The following NIPBL variants were observed in gnomAD, a reference collection of about 807,000 sequenced individuals.
The protein encoded by NIPBL is nipped-B-like protein.
Under a neutral mutation model 321.8 loss-of-function variants are expected in NIPBL, and 19 were observed. That is an observed-to-expected ratio of 0.06 (90% CI 0.04 to 0.09). The LOEUF (loss-of-function observed/expected upper bound fraction) is 0.09, where lower values mean the gene tolerates loss of function less well. NIPBL is among the 10% of genes least tolerant of loss of function. The pLI, the probability that NIPBL is intolerant of heterozygous loss-of-function variation, is 1.00. For synonymous variants in NIPBL, 1,106 were observed against 1,114.1 expected (o/e 0.99, Z 0.14); for missense variants, 2,210 against 3,327.0 (o/e 0.66, Z 8.26).
rs1017805350 is a variant in NIPBL at position 36,877,196 on chromosome 5, A to AT, written c.-80+21dup. 2 of 194,372 alleles carry AT rather than the reference A, an allele frequency of 1.0e-5. No homozygotes were observed. The highest frequency in any genetic ancestry group is 4.8e-5 in the African/African-American group (2 of 41,640). 12.0% of individuals were successfully genotyped at this position (194,372 alleles called of 1,614,324 possible). ...TCGCCCAGGTAAATTCCTGCTCTTT[A>AT]TTTCGGCGGCGGCGGCGGCGGCGCC... On this transcript the variant is annotated intron_variant, in intron 1 of 46. Transcript: ENST00000282516.
At chr5:37,000,780 A>T (rs781743741) in intron 12 of NIPBL, 37 bp from the exon 13 acceptor site, 61 of 1,520,940 alleles carry the variant, frequency 4.0e-5, no homozygotes, top group Non-Finnish European at 4.6e-6. Context: ...TTAAGTTGTC[A>T]GTCCTGCATT....
At chr5:37,033,705 C>CACATATATAT (rs1415570935) in intron 32 of NIPBL, among the ~76,000 whole-genome samples, 1 of 80,268 alleles carries the variant, frequency 1.2e-5, no homozygotes, top group Non-Finnish European at 2.3e-5. Context: ...CACACACACA[C>CACATATATAT]ATATATATAT....
intron 6 of NIPBL, among the ~76,000 whole-genome samples, chr5:36,968,104 AAAAAAAAC>A (rs1228185522): frequency 1.3e-5 from 2 of 149,644 alleles, no homozygotes; most frequent in Admixed American, 6.7e-5. Context: ...TCAAAAAAAA[AAAAAAAAC>A]AAAAAACAAA....
At chr5:37,008,915 T>C (rs1421732414) in intron 20 of NIPBL, among the ~76,000 whole-genome samples, 192 bp downstream of exon 20, 1 of 152,168 alleles carries the variant, frequency 6.6e-6, no homozygotes, top group Non-Finnish European at 1.5e-5. Context: ...CTTCACTGAT[T>C]CTCAAGGGTA....
Position 36,975,997 on chromosome 5 carries a change from C to T in NIPBL, c.1090C>T (p.Arg364Cys). The T allele has an allele frequency of 2.5e-6, 4 of 1,613,930 alleles. No individual in the cohort carries two copies. The highest frequency in any genetic ancestry group is 1.1e-5 in the South Asian group (1 of 91,052). ...TACTAAACTTACATTAAGACTTTCT[C>T]GTGTAAGGTCTTCAGACATGGACCA... is the stretch of plus-strand genomic sequence containing the variant. ...DSTKLTLRLSRVRSSDMDQQE... is the reference protein window; with the variant it reads ...DSTKLTLRLSCVRSSDMDQQE... Residue 364 changes from arginine to cysteine, a missense_variant, in exon 9 of 47, where the codon CGT (arginine) becomes TGT (cysteine). Around this residue, in one of 14 missense-constraint regions of NIPBL, gnomAD observed 464 missense variants for 529.5 expected, o/e 0.88. Transcript: ENST00000282516.
At chr5:37,050,135 T>C (rs1488420013) in intron 40 of NIPBL, among the ~76,000 whole-genome samples, 1 of 152,124 alleles carries the variant, frequency 6.6e-6, no homozygotes, top group Non-Finnish European at 1.5e-5. Flanking sequence ...TTGGGTGCTT[T>C]TTATTATATA....
intron 1 of NIPBL, among the ~76,000 whole-genome samples, chr5:36,944,010 TAGG>T (rs747991784): frequency 6.6e-6 from 1 of 151,920 alleles, no homozygotes; most frequent in Non-Finnish European, 1.5e-5. Flanking sequence ...CAAGAGAAAG[TAGG>T]AGAAGAATTA....
chr5:36,896,875 C>T (rs1010753308), intron 1 of NIPBL, among the ~76,000 whole-genome samples: 1 of 152,196 alleles, frequency 6.6e-6, no homozygotes, highest in Non-Finnish European at 1.5e-5. Context: ...GCTGGGATTA[C>T]AGGCTTGACC....
In NIPBL at chr5:37,059,097, G is replaced by T; in HGVS notation, c.7617G>T (p.Val2539=). The T allele has an allele frequency of 6.2e-7, 1 of 1,614,150 alleles. No individual in the cohort carries two copies. Among genetic ancestry groups the T allele is most frequent in the Non-Finnish European group, 8.5e-7 (1 of 1,179,986 alleles). ...CTCCTTTAATCGAATTTGCAAATGT[G>T]TCCCAGGGTATTTTATTACTTCTCA... ...NSAPLIEFAN[V]SQGILLLLML... is the part of the protein sequence containing the mutation. The change falls in exon 44 of 47, where the codon GTG becomes GTT. Residue 2539 remains valine (V), a synonymous_variant. Coordinates refer to ENST00000282516, the MANE Select transcript of NIPBL (RefSeq NM_133433.4).
At chr5:36,951,032 A>G (rs897574343) in intron 1 of NIPBL, among the ~76,000 whole-genome samples, 2 of 152,162 alleles carry the variant, frequency 1.3e-5, no homozygotes, top group African/African-American at 2.4e-5. Flanking sequence ...TGAAGATCAA[A>G]TATTTTTGTC....
At chr5:36,920,350 A>G (rs1209089416) in intron 1 of NIPBL, among the ~76,000 whole-genome samples, 1 of 152,228 alleles carries the variant, frequency 6.6e-6, no homozygotes. Context: ...TACACTGATG[A>G]TATTCAGATA....
intron 1 of NIPBL, among the ~76,000 whole-genome samples, chr5:36,892,136 A>G (rs1746376839): frequency 6.6e-6 from 1 of 152,216 alleles, no homozygotes; most frequent in Non-Finnish European, 1.5e-5. Flanking sequence ...CAGCTGACCT[A>G]GAAGATCTCT....
Position 37,063,839 on chromosome 5 carries a change from G to A in NIPBL, c.7910G>A (p.Gly2637Glu). 1 of 1,613,796 alleles carries A rather than the reference G, an allele frequency of 6.2e-7. No individual in the cohort carries two copies. The highest frequency in any genetic ancestry group is 8.5e-7 in the Non-Finnish European group (1 of 1,179,808). ...GACCCTGATGAAGAAGAAGAAGAAG[G>A]GGAGGTTTCAGCTAGCACAAATGCT... ...HLDPDEEEEE[G>E]EVSASTNARN... The change falls in exon 46 of 47, where the codon GGG (glycine) becomes GAG (glutamate). Residue 2637 changes from glycine to glutamate, a missense_variant. By Grantham distance (98) the Gly-to-Glu change is moderately conservative (BLOSUM62 -2). Transcript: ENST00000282516.
intron 34 of NIPBL, among the ~76,000 whole-genome samples, chr5:37,040,573 G>A (rs1482754800): frequency 1.3e-5 from 2 of 152,256 alleles, no homozygotes; most frequent in African/African-American, 4.8e-5. Context: ...TTTTATGGAT[G>A]TCCTATGATT....
chr5:37,034,276 T>C (rs1032458481), intron 32 of NIPBL, among the ~76,000 whole-genome samples: 1 of 152,190 alleles, frequency 6.6e-6, no homozygotes, highest in Non-Finnish European at 1.5e-5. Context: ...CAGATAATAA[T>C]TGAGAAAGTA....
At chr5:36,905,927 G>T (rs1442681326) in intron 1 of NIPBL, among the ~76,000 whole-genome samples, 1 of 151,974 alleles carries the variant, frequency 6.6e-6, no homozygotes, top group African/African-American at 2.4e-5. Context: ...TGTATTTTTA[G>T]TAGAGATGGG....
intron 6 of NIPBL, among the ~76,000 whole-genome samples, chr5:36,967,316 G>C (rs1327476498): frequency 6.6e-6 from 1 of 152,020 alleles, no homozygotes; most frequent in Non-Finnish European, 1.5e-5. Context: ...CTTTTTTAGA[G>C]AACCGTGTGT....
intron 1 of NIPBL, among the ~76,000 whole-genome samples, chr5:36,882,683 T>TA (rs1270691424): frequency 6.6e-6 from 1 of 151,950 alleles, no homozygotes; most frequent in Non-Finnish European, 1.5e-5. Flanking sequence ...GGATTCCAGC[T>TA]AAAATGTATC....
chr5:37,009,502 AT>A (rs1032866585), intron 20 of NIPBL, among the ~76,000 whole-genome samples: 6 of 152,266 alleles, frequency 3.9e-5, no homozygotes, highest in Admixed American at 2.0e-4. Context: ...TATCTTAATC[AT>A]TTTTTGGACT....
Sources: allele counts gnomAD v4.1 joint callset (sites outside exome capture counted in the v4.1 genomes callset), GRCh38; gene constraint gnomAD v4.1.1; regional missense constraint gnomAD v4.1.1; transcripts MANE v1.5; gene names NCBI Gene and HGNC (gene_info 2026-07-23, HGNC 2026-07-21).